The following RARB variants were observed in gnomAD, a reference collection of about 807,000 sequenced individuals.
RARB encodes the protein retinoic acid receptor beta, also known as HBV-activated protein.
RARB carries 17 observed loss-of-function variants against 51.9 expected under a neutral mutation model. The observed-to-expected ratio is 0.33, with a 90% CI of 0.22 to 0.49. The LOEUF (loss-of-function observed/expected upper bound fraction) is 0.49, where lower values mean the gene tolerates loss of function less well. Ranked by LOEUF, RARB falls within the 20% of genes least tolerant of loss-of-function variation. The pLI is 0.99. For synonymous variants in RARB, 215 were observed against 195.4 expected, an observed-to-expected ratio of 1.10 and a Z score of -0.84; for missense variants, 369 against 550.8, an observed-to-expected ratio of 0.67 and a Z score of 3.30.
chr3:25,159,065 A>C (rs1559486811), intron 4 of RARB, among the ~76,000 whole-genome samples: 1 of 152,094 alleles, frequency 6.6e-6, no homozygotes, highest in Admixed American at 6.5e-5. Flanking sequence ...GTGAAAAAAA[A>C]AGAAAATGAT....
chr3:25,182,116 G>C (rs185769954), intron 5 of RARB, among the ~76,000 whole-genome samples: 108 of 152,212 alleles, frequency 7.1e-4, no homozygotes, highest in African/African-American at 2.5e-3. Flanking sequence ...CTTTCATTTT[G>C]GAATCATACA....
rs748559000 is a variant in RARB, at chr3:25,157,350, T to TTGTG, written c.-279-16741_-279-16738dup. ...GAGGCACAGTTCTGAGTGTGTGTGT[T>TTGTG]TGTGTGTGTGTGTGTGTGTGTGTGT... On this transcript the variant is annotated intron_variant, in intron 4 of 11. Transcript: ENST00000383772. Among the ~76,000 whole-genome samples, 1,438 of 145,042 alleles carry TTGTG rather than the reference T, an allele frequency of 9.9e-3. 9 individuals are homozygous for TTGTG. Among genetic ancestry groups the TTGTG allele is most frequent in the African/African-American group, 0.023 (887 of 39,072 alleles).
At chr3:25,394,526 C>G (rs940603572) in intron 5 of RARB, among the ~76,000 whole-genome samples, 1 of 151,884 alleles carries the variant, frequency 6.6e-6, no homozygotes, top group Admixed American at 6.6e-5. Flanking sequence ...TATTGTGTTG[C>G]CATCTATCTC....
chr3:25,561,157 T>G (rs7610827), intron 3 of RARB, among the ~76,000 whole-genome samples: 2 of 151,936 alleles, frequency 1.3e-5, no homozygotes, highest in African/African-American at 4.8e-5. Flanking sequence ...CATTTGTCCA[T>G]TGTTTCTTTC....
At chr3:24,877,908 A>C (rs563501152) in intron 2 of RARB, among the ~76,000 whole-genome samples, 2 of 152,296 alleles carry the variant, frequency 1.3e-5, no homozygotes, top group East Asian at 3.9e-4. Context: ...TTCTTTTCAA[A>C]ATATATCACT....
chr3:25,391,100 G>A (rs1305656169), intron 5 of RARB, among the ~76,000 whole-genome samples: 1 of 151,926 alleles, frequency 6.6e-6, no homozygotes, highest in African/African-American at 2.4e-5. Flanking sequence ...CTTATGCCTT[G>A]GTGTCCTCAT....
At chr3:25,430,095 G>A (rs4337614) in intron 1 of RARB, among the ~76,000 whole-genome samples, 12 of 152,142 alleles carry the variant, frequency 7.9e-5, no homozygotes, top group African/African-American at 1.2e-4. Flanking sequence ...TTCTTGGGCC[G>A]GGAAATCAAC....
At chr3:25,142,224 C>G (rs1384091834) in intron 4 of RARB, among the ~76,000 whole-genome samples, 1 of 152,182 alleles carries the variant, frequency 6.6e-6, no homozygotes, top group East Asian at 1.9e-4. Flanking sequence ...GTCCCAGCTA[C>G]TCAGGAGGCT....
chr3:25,145,313 C>T (rs191977857), intron 4 of RARB, among the ~76,000 whole-genome samples: 36 of 152,186 alleles, frequency 2.4e-4, no homozygotes, highest in African/African-American at 8.7e-4. Context: ...GTAATCTTTA[C>T]CAGCAAACTG....
intron 2 of RARB, among the ~76,000 whole-genome samples, chr3:24,932,278 C>T (rs761169359): frequency 6.6e-6 from 1 of 151,936 alleles, no homozygotes; most frequent in South Asian, 2.1e-4. Flanking sequence ...AGTCACCATC[C>T]TAAAACTGGA....
intron 5 of RARB, among the ~76,000 whole-genome samples, chr3:25,282,447 A>G (rs1703547318): frequency 6.6e-6 from 1 of 152,132 alleles, no homozygotes; most frequent in Admixed American, 6.5e-5. Flanking sequence ...AACACTTTTG[A>G]TGCCCCTTAT....
intron 3 of RARB, among the ~76,000 whole-genome samples, chr3:25,124,911 A>G (rs1699837724): frequency 6.6e-6 from 1 of 152,192 alleles, no homozygotes. Flanking sequence ...TTTTCAAAAC[A>G]TGTAATTCAT....
At chr3:24,926,401 G>A (rs878895181) in intron 2 of RARB, among the ~76,000 whole-genome samples, 1 of 152,054 alleles carries the variant, frequency 6.6e-6, no homozygotes, top group Admixed American at 6.6e-5. Context: ...AAATACAAAT[G>A]GCAACAGTTT....
At chr3:25,363,409 C>G (rs1404272802) in intron 5 of RARB, among the ~76,000 whole-genome samples, 1 of 152,188 alleles carries the variant, frequency 6.6e-6, no homozygotes, top group African/African-American at 2.4e-5. Context: ...GTCCAGAACT[C>G]AATTCCAGCC....
intron 2 of RARB, among the ~76,000 whole-genome samples, chr3:24,943,360 T>A (rs556717736): frequency 6.6e-6 from 1 of 152,336 alleles, no homozygotes; most frequent in South Asian, 2.1e-4. Context: ...GCTCTTGTTA[T>A]CGTAAATGGA....
rs565002925 is a variant in RARB, at chr3:25,178,121, G to C, written c.178+3546G>C. The stretch of plus-strand genomic sequence containing the variant: ...TTGTGACCACTCACAATTCGTAGGG[G>C]AAGATGTGGCCACTTTTCCGAAGGT... On this transcript the variant is annotated intron_variant, in intron 5 of 11. Transcript: ENST00000383772. Among the ~76,000 whole-genome samples, 4 of 152,144 alleles carry C rather than the reference G, an allele frequency of 2.6e-5. No individual in the cohort carries two copies. In the South Asian group the frequency reaches 8.3e-4, roughly 32 times the overall value.
At chr3:25,402,893 G>T (rs1707303143) in intron 5 of RARB, among the ~76,000 whole-genome samples, 1 of 151,982 alleles carries the variant, frequency 6.6e-6, no homozygotes, top group Admixed American at 6.6e-5. Context: ...AGCCAAGCGT[G>T]GTGGCTCACG....
intron 5 of RARB, among the ~76,000 whole-genome samples, chr3:25,257,992 T>C (rs1702908198): frequency 6.6e-6 from 1 of 152,162 alleles, no homozygotes; most frequent in Non-Finnish European, 1.5e-5. Flanking sequence ...TTTACTGACT[T>C]ACGTTGTAAT....
At chr3:25,351,731 C>T (rs1213772645) in intron 5 of RARB, among the ~76,000 whole-genome samples, 4 of 151,990 alleles carry the variant, frequency 2.6e-5, no homozygotes. Context: ...TTTTTGTTTT[C>T]CCTTGTTCCA....
Sources: allele counts gnomAD v4.1 joint callset (sites outside exome capture counted in the v4.1 genomes callset), GRCh38; gene constraint gnomAD v4.1.1; transcripts MANE v1.5; gene names NCBI Gene and HGNC (gene_info 2026-07-23, HGNC 2026-07-21).